Variants in MGST2 observed in about 807,000 individuals in gnomAD.
The protein encoded by MGST2 is glutathione peroxidase MGST2.
In MGST2, 9 loss-of-function variants were observed where a neutral mutation model predicts 16.6. That is an observed-to-expected ratio of 0.54 (90% CI 0.33 to 0.95). MGST2 has a LOEUF of 0.95. Ranked by LOEUF, MGST2 falls within the 40% of genes least tolerant of loss-of-function variation. The pLI, the probability that MGST2 is intolerant of heterozygous loss-of-function variation, is 0.03. For synonymous variants in MGST2, 79 were observed against 68.0 expected, an observed-to-expected ratio of 1.16 and a Z score of -0.79; for missense variants, 159 against 175.1, an observed-to-expected ratio of 0.91 and a Z score of 0.52.
intron 3 of MGST2, among the ~76,000 whole-genome samples, chr4:139,700,125 TG>T (rs1466255879): frequency 7.4e-6 from 1 of 135,970 alleles, no homozygotes; most frequent in Non-Finnish European, 1.5e-5. Context: ...TCTTTGGTTT[TG>T]CTTTTTTTTT....
chr4:139,711,143 A>C (rs915145408), intron 5 of MGST2, among the ~76,000 whole-genome samples: 4 of 151,808 alleles, frequency 2.6e-5, no homozygotes, highest in Admixed American at 2.0e-4. Context: ...CCTCCTGAGT[A>C]GCTGGGACTA....
intron 5 of MGST2, chr4:139,719,361 A>G: frequency 1.2e-6 from 2 of 1,607,280 alleles, no homozygotes; most frequent in Non-Finnish European, 1.7e-6. Flanking sequence ...TCCTGCATCC[A>G]CTCGTCCCCT....
At chr4:139,734,984 G>T (rs954250518) in intron 5 of MGST2, among the ~76,000 whole-genome samples, 1 of 152,350 alleles carries the variant, frequency 6.6e-6, no homozygotes, top group East Asian at 1.9e-4. Flanking sequence ...GCAGATGGTG[G>T]TGTCAGCCCG....
chr4:139,695,552 G>A (rs577708695), intron 3 of MGST2, among the ~76,000 whole-genome samples: 1 of 152,256 alleles, frequency 6.6e-6, no homozygotes, highest in East Asian at 1.9e-4. Flanking sequence ...AACCCAGGAG[G>A]TGGAGGCTGC....
downstream of MGST2, among the ~76,000 whole-genome samples, chr4:139,742,241 CG>C (rs1460844817): frequency 2.6e-5 from 4 of 151,792 alleles, no homozygotes; most frequent in African/African-American, 9.7e-5. Flanking sequence ...CTCCGCCTCC[CG>C]GGCTCAAGCA....
At chr4:139,704,318 G>A, downstream of MGST2, 1 of 813,070 alleles carries the variant, frequency 1.2e-6, no homozygotes, top group Non-Finnish European at 1.9e-6. Context: ...ATTTGCTTGG[G>A]GTAGGTACAT....
At chr4:139,745,675 T>C (rs1256823630), downstream of MGST2, among the ~76,000 whole-genome samples, 2 of 152,248 alleles carry the variant, frequency 1.3e-5, no homozygotes, top group East Asian at 1.9e-4. Context: ...AGAGATATAG[T>C]GATCCCTGCT....
chr4:139,722,119 G>T (rs1294623115), intron 5 of MGST2, among the ~76,000 whole-genome samples: 1 of 152,186 alleles, frequency 6.6e-6, no homozygotes, highest in African/African-American at 2.4e-5. Context: ...ACTAGATACT[G>T]TCTGGAATAA....
intron 5 of MGST2, among the ~76,000 whole-genome samples, chr4:139,734,923 G>A (rs1012533449): frequency 2.6e-5 from 4 of 152,258 alleles, no homozygotes; most frequent in African/African-American, 9.6e-5. Flanking sequence ...CCTTTTCCAG[G>A]CGTCCCTCGC....
At chr4:139,701,837 T>C (rs1035427873) in intron 3 of MGST2, among the ~76,000 whole-genome samples, 2 of 151,888 alleles carry the variant, frequency 1.3e-5, no homozygotes, top group African/African-American at 2.4e-5. Flanking sequence ...CCTGGTGGCA[T>C]ACACCAGTGG....
chr4:139,735,596 G>A lies in MGST2; in HGVS notation c.*49-4616G>A, dbSNP rs2111006320. Among the ~76,000 whole-genome samples the A allele has an allele frequency of 6.6e-6, 1 of 152,322 alleles. No individual in the cohort carries two copies. The highest frequency in any genetic ancestry group is 1.9e-4 in the East Asian group (1 of 5,176). ...TAAGGAGCGAGCCTCGGGTCGGCCC[G>A]GCACCGCTGCTTCGGCTCAGAGTCC... On this transcript the variant is annotated intron_variant, in intron 5 of 5. Transcript: ENST00000616265. This position sits in a 1 kb window ranked among gnomAD's most constrained non-coding sequence, Gnocchi z 5.8.
At chr4:139,736,657 G>T (rs1007272556) in intron 5 of MGST2, among the ~76,000 whole-genome samples, 3 of 152,168 alleles carry the variant, frequency 2.0e-5, no homozygotes, top group Admixed American at 1.3e-4. Context: ...AAAATTAGGG[G>T]TTCTCAAAGT....
intron 5 of MGST2, among the ~76,000 whole-genome samples, chr4:139,709,986 A>G (rs1727677299): frequency 6.6e-6 from 1 of 152,240 alleles, no homozygotes; most frequent in African/African-American, 2.4e-5. Context: ...ACAAAATCGG[A>G]TTTACAAAAA....
chr4:139,706,244 A>G (rs971308497), downstream of MGST2, among the ~76,000 whole-genome samples: 3 of 152,056 alleles, frequency 2.0e-5, no homozygotes, highest in Non-Finnish European at 4.4e-5. Flanking sequence ...AGGTTCCCCT[A>G]CTCATTGGTC....
intron 1 of MGST2, among the ~76,000 whole-genome samples, chr4:139,666,553 A>C (rs1288978860): frequency 6.6e-6 from 1 of 152,210 alleles, no homozygotes; most frequent in Non-Finnish European, 1.5e-5. Flanking sequence ...TATGATTATC[A>C]GATTGAAAAA....
the MGST2 span, among the ~76,000 whole-genome samples, chr4:139,750,106 G>C: frequency 6.6e-6 from 1 of 152,080 alleles, no homozygotes; most frequent in Non-Finnish European, 1.5e-5. Context: ...GAGTGCTTTG[G>C]AATTCATCTG....
chr4:139,714,109 T>A (rs563977369), intron 5 of MGST2, among the ~76,000 whole-genome samples: 4 of 152,196 alleles, frequency 2.6e-5, no homozygotes, highest in Non-Finnish European at 5.9e-5. Flanking sequence ...TTCATCCAGT[T>A]TTTTGTTTGT....
chr4:139,670,905 A>T (rs1209030014), intron 1 of MGST2, among the ~76,000 whole-genome samples: 1 of 128,108 alleles, frequency 7.8e-6, no homozygotes, highest in Non-Finnish European at 1.6e-5. Context: ...ACCCTATCTC[A>T]AAAAAAAAAA....
chr4:139,691,473 C>G (rs1726575983), intron 2 of MGST2, among the ~76,000 whole-genome samples: 1 of 152,110 alleles, frequency 6.6e-6, no homozygotes, highest in African/African-American at 2.4e-5. Context: ...TATTGTGGGA[C>G]ACCATCCAGG....
Sources: gnomAD v4.1 joint callset for allele counts (sites outside exome capture counted in the v4.1 genomes callset) on GRCh38, gnomAD v4.1.1 for gene constraint, Gnocchi (gnomAD v3.1) non-coding constraint, MANE v1.5 for transcripts, NCBI Gene and HGNC (gene_info 2026-07-23, HGNC 2026-07-21) for gene names.